The following NCOA7 variants were observed in gnomAD, a reference collection of about 807,000 sequenced individuals.
The protein encoded by NCOA7 is 140 kDa estrogen receptor-associated protein.
Under a neutral mutation model 104.3 loss-of-function variants are expected in NCOA7, and 45 were observed. The observed-to-expected ratio is 0.43, with a 90% CI of 0.34 to 0.55. The LOEUF is 0.55. Among genes scored for constraint, NCOA7 ranks in the 20% least tolerant of loss-of-function variants. NCOA7 has a pLI of 0.02. For missense variants in NCOA7, 1,041 were observed against 1,119.7 expected (o/e 0.93, Z 1.00); for synonymous variants, 398 against 402.3 (o/e 0.99, Z 0.13).
intron 2 of NCOA7, among the ~76,000 whole-genome samples, chr6:125,852,122 G>T (rs1554269187): frequency 6.6e-6 from 1 of 151,826 alleles, no homozygotes; most frequent in Non-Finnish European, 1.5e-5. Flanking sequence ...ATTTATTTTT[G>T]TTTTTATTGC....
chr6:125,828,169 G>T (rs765785834), intron 2 of NCOA7, among the ~76,000 whole-genome samples: 9 of 152,316 alleles, frequency 5.9e-5, no homozygotes, highest in Non-Finnish European at 1.0e-4. Context: ...AATGGGAACA[G>T]AATTAGGAAA....
intron 3 of NCOA7, among the ~76,000 whole-genome samples, chr6:125,870,162 A>G (rs1459681885): frequency 5.9e-5 from 9 of 152,044 alleles, no homozygotes; most frequent in Admixed American, 3.3e-4. Flanking sequence ...GTTACTTCTT[A>G]ATGTTCACAT....
intron 1 of NCOA7, among the ~76,000 whole-genome samples, chr6:125,803,800 G>A (rs1776146687): frequency 1.3e-5 from 2 of 151,994 alleles, no homozygotes; most frequent in Admixed American, 1.3e-4. Context: ...GTATGTTTTT[G>A]GAAAGGCATT....
At chr6:125,809,706 A>G (rs1776791682) in intron 1 of NCOA7, among the ~76,000 whole-genome samples, 1 of 152,252 alleles carries the variant, frequency 6.6e-6, no homozygotes, top group African/African-American at 2.4e-5. Flanking sequence ...AGAAAGGTCC[A>G]TTTTGATCTG....
rs1209249144 is a variant in NCOA7 at position 125,885,263 on chromosome 6, C to T, written c.804C>T (p.Leu268=). ...AAAATGGGTGTGAGGAGTATGGTCT[C>T]ATCTGCCCCATGGAAGAGGTTGTTT... ...VIENGCEEYG[L]ICPMEEVVSI... The change falls in exon 8 of 16, where the codon CTC becomes CTT. Residue 268 remains leucine, a synonymous_variant. Transcript: ENST00000392477. 2 of 1,614,058 alleles carry T rather than the reference C, an allele frequency of 1.2e-6. No individual in the cohort carries two copies. The highest frequency in any genetic ancestry group is 1.7e-5 in the Admixed American group (1 of 60,010).
chr6:125,870,275 C>T (rs943084538), intron 3 of NCOA7, among the ~76,000 whole-genome samples: 3 of 152,170 alleles, frequency 2.0e-5, no homozygotes, highest in Non-Finnish European at 4.4e-5. Flanking sequence ...TGACCTTACC[C>T]CTACTCTACT....
chr6:125,892,880 G>A (rs1479888880), intron 10 of NCOA7, among the ~76,000 whole-genome samples: 4 of 152,130 alleles, frequency 2.6e-5, no homozygotes, highest in African/African-American at 9.7e-5. Context: ...GTTTTTTTGT[G>A]TAGATGTTAG....
At chr6:125,893,116 G>T (rs1784750623) in intron 10 of NCOA7, among the ~76,000 whole-genome samples, 2 of 152,196 alleles carry the variant, frequency 1.3e-5, no homozygotes, top group South Asian at 4.1e-4. Flanking sequence ...GGCATGTACA[G>T]CTTTTCTCAC....
intron 1 of NCOA7, among the ~76,000 whole-genome samples, chr6:125,783,650 T>A (rs921882220): frequency 6.6e-6 from 1 of 152,250 alleles, no homozygotes; most frequent in Non-Finnish European, 1.5e-5. Context: ...CTGGCTCCTG[T>A]GTTCTTTTGG....
intron 2 of NCOA7, among the ~76,000 whole-genome samples, chr6:125,840,128 C>T (rs1779995159): frequency 6.6e-6 from 1 of 151,916 alleles, no homozygotes; most frequent in Non-Finnish European, 1.5e-5. Context: ...CGTTGATGTT[C>T]CTGACCCTGT....
intron 10 of NCOA7, among the ~76,000 whole-genome samples, chr6:125,902,407 C>T (rs1785581525): frequency 6.6e-6 from 1 of 151,894 alleles, no homozygotes; most frequent in South Asian, 2.1e-4. Flanking sequence ...CAGCTAGTAA[C>T]AGGCGGAACC....
At chr6:125,821,419 G>T (rs1382614488) in intron 2 of NCOA7, among the ~76,000 whole-genome samples, 1 of 152,120 alleles carries the variant, frequency 6.6e-6, no homozygotes, top group African/African-American at 2.4e-5. Context: ...GCTGCCATGT[G>T]CCCCTTTAGT....
At chr6:125,862,234 G>C (rs1254611997) in intron 3 of NCOA7, among the ~76,000 whole-genome samples, 1 of 136,280 alleles carries the variant, frequency 7.3e-6, no homozygotes, top group Non-Finnish European at 1.6e-5. Context: ...AGAAATAAGA[G>C]CTTACCTTAG....
At chr6:125,891,056 T>G (rs1019956557) in intron 10 of NCOA7, among the ~76,000 whole-genome samples, 4 of 152,204 alleles carry the variant, frequency 2.6e-5, no homozygotes, top group Non-Finnish European at 4.4e-5. Context: ...ACCTAGTTGA[T>G]TTTTAAATGA....
At chr6:125,869,762 T>TCAAGGCCCTGCTTCCAGGGCC (rs1554273242) in intron 3 of NCOA7, among the ~76,000 whole-genome samples, 1 of 152,094 alleles carries the variant, frequency 6.6e-6, no homozygotes, top group Non-Finnish European at 1.5e-5. Context: ...AAACCAGGGC[T>TCAAGGCCCTGCTTCCAGGGCC]CAAGGCCCTG....
intron 3 of NCOA7, chr6:125,855,708 G>C (rs1308697102): frequency 6.5e-6 from 1 of 152,682 alleles, no homozygotes; most frequent in Non-Finnish European, 1.5e-5. Context: ...TTTTGAGACA[G>C]AGTCTTGCTC....
At chr6:125,840,596 C>T (rs1056367454) in intron 2 of NCOA7, among the ~76,000 whole-genome samples, 1 of 151,764 alleles carries the variant, frequency 6.6e-6, no homozygotes, top group African/African-American at 2.4e-5. Flanking sequence ...TCACTGTAGC[C>T]TCAAACCTCC....
intron 1 of NCOA7, among the ~76,000 whole-genome samples, chr6:125,804,221 C>T (rs529093038): frequency 3.3e-5 from 5 of 152,298 alleles, no homozygotes; most frequent in African/African-American, 1.2e-4. Flanking sequence ...ATGAATCTGT[C>T]TGTTAGTATT....
chr6:125,814,910 A>G (rs1777439709), intron 1 of NCOA7, among the ~76,000 whole-genome samples: 1 of 152,200 alleles, frequency 6.6e-6, no homozygotes. Flanking sequence ...ATTATCTGAG[A>G]CATATGCCTT....
Sources: allele counts gnomAD v4.1 joint callset (sites outside exome capture counted in the v4.1 genomes callset), GRCh38; gene constraint gnomAD v4.1.1; transcripts MANE v1.5; gene names NCBI Gene and HGNC (gene_info 2026-07-23, HGNC 2026-07-21).